LRRC4C: variants seen among roughly 807,000 people sequenced by gnomAD.
LRRC4C encodes the protein leucine rich repeat containing 4C, also known as leucine-rich repeat-containing protein 4C.
Under a neutral mutation model 33.6 loss-of-function variants are expected in LRRC4C, and 5 were observed. The ratio of observed to expected loss-of-function variants is 0.15; its 90% CI spans 0.08 to 0.31. The LOEUF (loss-of-function observed/expected upper bound fraction) is 0.31, where lower values mean the gene tolerates loss of function less well. LRRC4C is among the 10% of genes least tolerant of loss of function. The pLI, the probability that LRRC4C is intolerant of heterozygous loss-of-function variation, is 1.00. For synonymous variants in LRRC4C, 329 were observed against 302.0 expected, an observed-to-expected ratio of 1.09 and a Z score of -0.93; for missense variants, 560 against 796.7, an observed-to-expected ratio of 0.70 and a Z score of 3.58.
intron 1 of LRRC4C, among the ~76,000 whole-genome samples, chr11:41,408,288 G>A (rs898359269): frequency 2.5e-4 from 38 of 152,096 alleles, no homozygotes; most frequent in African/African-American, 8.9e-4. Flanking sequence ...ATTACACTGG[G>A]TTAAAAAGAT....
chr11:40,138,636 A>G (rs1857151197), intron 6 of LRRC4C, among the ~76,000 whole-genome samples: 1 of 152,210 alleles, frequency 6.6e-6, no homozygotes, highest in Admixed American at 6.5e-5. Context: ...TTCCTTCCAC[A>G]TGCTATCTGG....
chr11:40,206,585 A>T (rs954637424), intron 5 of LRRC4C, among the ~76,000 whole-genome samples: 2 of 152,148 alleles, frequency 1.3e-5, no homozygotes, highest in African/African-American at 4.8e-5. Flanking sequence ...TCAATGCAGG[A>T]TGTGGAAAAA....
intron 2 of LRRC4C, among the ~76,000 whole-genome samples, chr11:40,862,853 A>C (rs1954169160): frequency 1.3e-5 from 2 of 152,194 alleles, no homozygotes; most frequent in Admixed American, 1.3e-4. Flanking sequence ...TCTCATCCAA[A>C]AATGCTGTAC....
At chr11:41,236,493 A>G (rs1948027981) in intron 1 of LRRC4C, among the ~76,000 whole-genome samples, 2 of 152,104 alleles carry the variant, frequency 1.3e-5, no homozygotes, top group South Asian at 4.1e-4. Flanking sequence ...AGGATTTGTG[A>G]AAGTTTATAA....
At chr11:41,425,758 T>A (rs1305267873) in intron 1 of LRRC4C, among the ~76,000 whole-genome samples, 2 of 152,138 alleles carry the variant, frequency 1.3e-5, no homozygotes, top group African/African-American at 4.8e-5. Flanking sequence ...ACTCTGGTTT[T>A]ATAAATGGGG....
intron 1 of LRRC4C, among the ~76,000 whole-genome samples, chr11:41,071,164 C>T (rs2862040): frequency 0.89 from 134,921 of 152,068 alleles, 60,054 homozygotes; most frequent in South Asian, 0.94. Flanking sequence ...GAAAACCAAA[C>T]ACCACATGTT....
intron 1 of LRRC4C, among the ~76,000 whole-genome samples, chr11:41,323,232 AT>A (rs1260042659): frequency 1.3e-5 from 2 of 152,146 alleles, no homozygotes; most frequent in Admixed American, 6.5e-5. Context: ...TGAATGTTAC[AT>A]CAGTATTGAT....
At chr11:40,636,304 C>T (rs1941745521) in intron 3 of LRRC4C, among the ~76,000 whole-genome samples, 1 of 152,168 alleles carries the variant, frequency 6.6e-6, no homozygotes, top group Non-Finnish European at 1.5e-5. Context: ...TGTCAGAAGT[C>T]TAAGTCACTC....
chr11:40,966,281 T>C (rs2136936274), intron 1 of LRRC4C, among the ~76,000 whole-genome samples: 1 of 152,008 alleles, frequency 6.6e-6, no homozygotes, highest in Middle Eastern at 3.4e-3. Context: ...AAAAAATAAG[T>C]AGAAAGTCAT....
At chr11:40,176,221 AGTG>A in intron 5 of LRRC4C, among the ~76,000 whole-genome samples, 1 of 152,172 alleles carries the variant, frequency 6.6e-6, no homozygotes, top group Non-Finnish European at 1.5e-5. Context: ...GAGTATGTCA[AGTG>A]GTATAATAAG....
Position 40,457,162 on chromosome 11 carries a change from A to T in LRRC4C, c.-269-137441T>A, listed in dbSNP as rs561799874. Among the ~76,000 whole-genome samples, 25 of 150,256 alleles carry T rather than the reference A, an allele frequency of 1.7e-4. 1 individual carries two copies. Among genetic ancestry groups the T allele is most frequent in the South Asian group, 6.3e-4 (3 of 4,794 alleles). ...AGGATATACCTCAGCAATTTTTTTTAAAAAAAAGAATCTCAAAGAACACAA... is the reference window on the plus strand; with the variant it reads ...AGGATATACCTCAGCAATTTTTTTTTAAAAAAAGAATCTCAAAGAACACAA... On this transcript the variant is annotated intron_variant, in intron 3 of 6. Coordinates refer to ENST00000528697, the MANE Select transcript of LRRC4C (RefSeq NM_001258419.2).
At chr11:41,337,294 C>A (rs1167282980) in intron 1 of LRRC4C, among the ~76,000 whole-genome samples, 1 of 152,130 alleles carries the variant, frequency 6.6e-6, no homozygotes, top group Non-Finnish European at 1.5e-5. Context: ...AATACTCCTG[C>A]CCTGACCTCT....
intron 1 of LRRC4C, among the ~76,000 whole-genome samples, chr11:41,072,482 G>A (rs1394497033): frequency 1.3e-5 from 2 of 151,918 alleles, no homozygotes; most frequent in East Asian, 3.9e-4. Context: ...ATGAGATATG[G>A]TTGTTTAATA....
chr11:40,348,142 A>G (rs1192858291), intron 3 of LRRC4C, among the ~76,000 whole-genome samples: 1 of 152,158 alleles, frequency 6.6e-6, no homozygotes, highest in African/African-American at 2.4e-5. Flanking sequence ...AACAGATTTA[A>G]TAATAATAAT....
At chr11:40,862,684 G>A (rs1954161345) in intron 2 of LRRC4C, among the ~76,000 whole-genome samples, 1 of 152,124 alleles carries the variant, frequency 6.6e-6, no homozygotes, top group African/African-American at 2.4e-5. Context: ...GGAATACAAG[G>A]ACATCATGGA....
chr11:40,132,127 T>C (rs565789956), intron 6 of LRRC4C, among the ~76,000 whole-genome samples: 40 of 152,340 alleles, frequency 2.6e-4, no homozygotes, highest in African/African-American at 9.6e-4. Flanking sequence ...TACAAAATAA[T>C]TGATAGACTG....
Position 40,611,220 on chromosome 11 carries a change from A to G in LRRC4C, c.-270+36922T>C, listed in dbSNP as rs187626074. On this transcript the variant is annotated intron_variant, in intron 3 of 6. Coordinates refer to ENST00000528697, the MANE Select transcript of LRRC4C (RefSeq NM_001258419.2). ...ATAAAGATTCCTGAGAAACCCATGC[A>G]TATACAGTTAAATGATCTTTGACCT... Among the ~76,000 whole-genome samples, 22 of 151,992 alleles carry G rather than the reference A, an allele frequency of 1.4e-4. No homozygotes were observed. The East Asian group carries it at 4.3e-3, about 29-fold the overall frequency.
At chr11:40,219,400 C>T (rs1372331086) in intron 5 of LRRC4C, among the ~76,000 whole-genome samples, 3 of 152,108 alleles carry the variant, frequency 2.0e-5, no homozygotes, top group Non-Finnish European at 4.4e-5. Flanking sequence ...CATGTCTACC[C>T]TACGTTTCTA....
chr11:40,212,469 A>ATT (rs1554975049), intron 5 of LRRC4C, among the ~76,000 whole-genome samples: 5 of 96,814 alleles, frequency 5.2e-5, no homozygotes, highest in South Asian at 1.1e-3. Context: ...CACAAGCAAA[A>ATT]TTAAAAAAAA....
Sources: gnomAD v4.1 joint callset for allele counts (sites outside exome capture counted in the v4.1 genomes callset) on GRCh38, gnomAD v4.1.1 for gene constraint, MANE v1.5 for transcripts, NCBI Gene and HGNC (gene_info 2026-07-23, HGNC 2026-07-21) for gene names.